DNAH2: variants seen among roughly 807,000 people sequenced by gnomAD.
DNAH2 encodes the protein dynein axonemal heavy chain 2.
A neutral mutation model predicts 523.5 loss-of-function variants in DNAH2; 323 were observed. That is an observed-to-expected ratio of 0.62 (90% CI 0.56 to 0.68). DNAH2 has a LOEUF of 0.68. DNAH2 is among the 30% of genes least tolerant of loss of function. The pLI is 0.00. For synonymous variants in DNAH2, 2,093 were observed against 2,177.4 expected (o/e 0.96, Z 1.08); for missense variants, 4,907 against 5,701.5 (o/e 0.86, Z 4.49).
At chr17:7,806,302 A>G (rs1444230299) in intron 61 of DNAH2, among the ~76,000 whole-genome samples, 1 of 152,206 alleles carries the variant, frequency 6.6e-6, no homozygotes, top group East Asian at 1.9e-4. Context: ...TTGATTTACC[A>G]TATTTTCAAT....
chr17:7,764,782 C>CTTTTTTTTTTTTTTT (rs59188289), intron 20 of DNAH2, among the ~76,000 whole-genome samples: 2 of 49,504 alleles, frequency 4.0e-5, no homozygotes, highest in Non-Finnish European at 7.0e-5. Flanking sequence ...ACTGTATTTA[C>CTTTTTTTTTTTTTTT]TTTTTTTTTT....
chr17:7,768,051 A>G lies in DNAH2; in HGVS notation c.3827A>G (p.Lys1276Arg), dbSNP rs374506577. Reference protein sequence around the residue: ...GLFRRLTKLAKEYKDRNWEII... With the variant: ...GLFRRLTKLAREYKDRNWEII... Reference sequence around the variant, plus strand: ...TTTCGTCGCCTCACAAAATTAGCCAAAGAGTATAAGGTGGGGAGAAACGGC... The same window carrying G: ...TTTCGTCGCCTCACAAAATTAGCCAGAGAGTATAAGGTGGGGAGAAACGGC... The change falls in exon 23 of 86, where the codon AAA (lysine) becomes AGA (arginine). Residue 1276 changes from lysine to arginine, a missense_variant. Physicochemically the swap from Lys to Arg is conservative, Grantham distance 26. This residue lies in a region of DNAH2 where 2,806 missense variants were observed against 3,190.8 expected (regional missense o/e 0.88). Coordinates refer to ENST00000572933, the MANE Select transcript of DNAH2 (RefSeq NM_020877.5). 1.7e-5 allele frequency: 28 copies of G among 1,613,978 alleles called. No homozygotes were observed. The highest frequency in any genetic ancestry group is 2.2e-5 in the Non-Finnish European group (26 of 1,180,026).
chr17:7,764,782 CTT>C (rs59188289), intron 20 of DNAH2, among the ~76,000 whole-genome samples: 138 of 49,484 alleles, frequency 2.8e-3, no homozygotes, highest in African/African-American at 0.011. Flanking sequence ...ACTGTATTTA[CTT>C]TTTTTTTTTT....
In DNAH2 at chr17:7,821,226, C is replaced by A; in HGVS notation, c.11016-17C>A. The A allele has an allele frequency of 6.2e-7, 1 of 1,610,818 alleles. No homozygotes were observed. Among genetic ancestry groups the A allele is most frequent in the South Asian group, 1.1e-5 (1 of 90,664 alleles). ...ATTCCATGCTGCCCCTCCCTCTTCC[C>A]TGTCCCTTTCTCCCAGGTACACCTG... On this transcript the variant is annotated splice_polypyrimidine_tract_variant and intron_variant, in intron 72 of 85. Transcript: ENST00000572933. This position sits in a 1 kb window ranked among gnomAD's most constrained non-coding sequence, Gnocchi z 5.0.
intron 2 of DNAH2, among the ~76,000 whole-genome samples, chr17:7,721,004 C>CTTTTTTTTTTTTTTTTTTT (rs71159523): frequency 3.6e-5 from 4 of 109,722 alleles, no homozygotes; most frequent in South Asian, 3.0e-4. Flanking sequence ...TTCTTTCTTT[C>CTTTTTTTTTTTTTTTTTTT]TTTTTTTTTT....
rs570755584 is a variant in DNAH2 at position 7,743,469 on chromosome 17, C to G, written c.1904+327C>G. The G allele has an allele frequency of 1.5e-5, 10 of 652,886 alleles. No individual in the cohort carries two copies. In the East Asian group the frequency reaches 2.2e-4, roughly 14 times the overall value. The allele number at this position is 652,886 out of a possible 1,614,324, so 40.4% of individuals were successfully genotyped here. A position where few individuals can be genotyped will look rare whatever the true frequency, so the allele number is the denominator to read the frequency against. ...TCGCTTGAGCCCAGGAGTTTGAGAA[C>G]AGCCTGGGCAACATGGCAAAACCCA... On this transcript the variant is annotated intron_variant, in intron 12 of 85. Transcript: ENST00000572933.
Position 7,804,969 on chromosome 17 carries a change from C to T in DNAH2, c.9195C>T (p.Ala3065=), listed in dbSNP as rs1198668434. 2 of 1,613,990 alleles carry T rather than the reference C, an allele frequency of 1.2e-6. No homozygotes were observed. Among genetic ancestry groups the T allele is most frequent in the Non-Finnish European group, 1.7e-6 (2 of 1,179,994 alleles). ...EADEQQKAVT[A]NSEKIAVEEI... is the part of the protein sequence containing the mutation. Reference sequence around the variant, plus strand: ...TTTTTCATCCCTAGGCCGTAACAGCCAACAGTGAAAAGATTGCAGTTGAGG... The same window carrying T: ...TTTTTCATCCCTAGGCCGTAACAGCTAACAGTGAAAAGATTGCAGTTGAGG... Residue 3065 remains alanine (A), a synonymous_variant, in exon 60 of 86, where the codon GCC becomes GCT. Coordinates refer to ENST00000572933, the MANE Select transcript of DNAH2 (RefSeq NM_020877.5).
intron 11 of DNAH2, among the ~76,000 whole-genome samples, chr17:7,741,307 C>CTT (rs2075333659): frequency 1.3e-4 from 4 of 31,926 alleles, no homozygotes; most frequent in African/African-American, 2.3e-4. Context: ...CCTTCCTTCC[C>CTT]TCCCTCCCTC....
intron 44 of DNAH2, among the ~76,000 whole-genome samples, chr17:7,790,783 T>G (rs1471537442): frequency 2.6e-5 from 4 of 151,910 alleles, no homozygotes; most frequent in African/African-American, 9.7e-5. Context: ...CAGGGCTCAC[T>G]GCAGCCTCAA....
chr17:7,760,035 T>A lies in DNAH2; in HGVS notation c.2785+97T>A. On this transcript the variant is annotated intron_variant, in intron 17 of 85. Coordinates refer to ENST00000572933, the MANE Select transcript of DNAH2 (RefSeq NM_020877.5). The surrounding 1 kb of genome is among the most constrained non-coding windows in gnomAD (Gnocchi z 4.0). ...AGACCAGGGCTATTTCCAGGCATAC[T>A]GGGCCAGTCACCTCCCTGACCTGGG... The A allele has an allele frequency of 6.4e-7, 1 of 1,565,228 alleles. No homozygotes were observed. Among genetic ancestry groups the A allele is most frequent in the South Asian group, 1.2e-5 (1 of 86,416 alleles).
chr17:7,781,313 A>C (rs1442446959), intron 39 of DNAH2, 146 bp downstream of exon 39: 2 of 915,750 alleles, frequency 2.2e-6, no homozygotes, highest in East Asian at 2.6e-5. Context: ...TGTATCTACA[A>C]AAAGTACAAA....
At position 7,740,553 on chromosome 17, in the gene DNAH2, C is replaced by A; in HGVS notation, c.1506+4C>A. On this transcript the variant is annotated splice_donor_region_variant and intron_variant, in intron 10 of 85. Transcript: ENST00000572933. Reference sequence around the variant, plus strand: ...CCACAGGCTTGCCTCCCGCGAGGTGCGGCTGCCCCGCGGCTTCCTCGGCTT... The same window carrying A: ...CCACAGGCTTGCCTCCCGCGAGGTGAGGCTGCCCCGCGGCTTCCTCGGCTT... 1 of 1,612,570 alleles carries A rather than the reference C, an allele frequency of 6.2e-7. No individual in the cohort carries two copies. Among genetic ancestry groups the A allele is most frequent in the African/African-American group, 1.3e-5 (1 of 75,048 alleles).
intron 71 of DNAH2, 69 bp downstream of exon 71, chr17:7,819,132 G>A (rs766327269): frequency 3.6e-5 from 57 of 1,602,928 alleles, no homozygotes; most frequent in Non-Finnish European, 3.2e-5. Context: ...ATGACGGCTC[G>A]AGACCCCTCC....
chr17:7,749,208 C>T (rs1395150921), intron 12 of DNAH2, among the ~76,000 whole-genome samples: 2 of 146,090 alleles, frequency 1.4e-5, no homozygotes, highest in African/African-American at 5.1e-5. Context: ...CTCAGGAGGC[C>T]GAGGCAAGAG....
Position 7,779,365 on chromosome 17 carries a change from T to C in DNAH2, c.5664T>C (p.Phe1888=), listed in dbSNP as rs2076542990. Residue 1888 remains phenylalanine (F), a synonymous_variant, in exon 36 of 86, where the codon TTT becomes TTC. Coordinates refer to ENST00000572933, the MANE Select transcript of DNAH2 (RefSeq NM_020877.5). ...ALAAGLTHFH[F]DGFEINLVWS... is the part of the protein sequence containing the mutation. ...CTGCCGGCCTCACCCATTTCCATTT[T>C]GATGGCTTTGAAATAAATCTGGTGT... The C allele has an allele frequency of 6.2e-7, 1 of 1,614,110 alleles. No individual in the cohort carries two copies. Among genetic ancestry groups the C allele is most frequent in the East Asian group, 2.2e-5 (1 of 44,892 alleles).
intron 10 of DNAH2, 35 bp downstream of exon 10, chr17:7,740,584 C>A: frequency 6.2e-7 from 1 of 1,608,268 alleles, no homozygotes; most frequent in Non-Finnish European, 8.5e-7. Context: ...GGCTTCCCGT[C>A]CCGCGTGCTT....
Position 7,764,243 on chromosome 17 carries a change from T to TG in DNAH2, c.3307dup (p.Glu1103GlyfsTer33). ...CCATACACGAGCAATTTGCCATTCTTGAAAAGTACGAGGTGCCAGTCGAGG... is the reference window on the plus strand; with the variant it reads ...CCATACACGAGCAATTTGCCATTCTTGGAAAAGTACGAGGTGCCAGTCGAGG... On this transcript the variant is annotated frameshift_variant, in exon 20 of 86. Coordinates refer to ENST00000572933, the MANE Select transcript of DNAH2 (RefSeq NM_020877.5). LOFTEE classifies it high-confidence loss of function. The TG allele has an allele frequency of 6.2e-7, 1 of 1,612,888 alleles. No homozygotes were observed.
In DNAH2 at chr17:7,792,686, C is replaced by T. The variant is rs200317488; in HGVS notation, c.7175C>T (p.Thr2392Ile). The T allele has an allele frequency of 6.2e-7, 1 of 1,614,150 alleles. No individual in the cohort carries two copies. Among genetic ancestry groups the T allele is most frequent in the Non-Finnish European group, 8.5e-7 (1 of 1,180,016 alleles). Residue 2392 changes from threonine (T) to isoleucine (I), a missense_variant, in exon 47 of 86, where the codon ACC becomes ATC. Coordinates refer to ENST00000572933, the MANE Select transcript of DNAH2 (RefSeq NM_020877.5). ...CCCTTCTATAAGATCATGGTGCCCA[C>T]CGTCGACACTGTTCGCTACAACTAC... ...NAPFYKIMVP[T>I]VDTVRYNYLV...
At position 7,743,620 on chromosome 17, in the gene DNAH2, C is replaced by A. The variant is rs2065735089; in HGVS notation, c.1904+478C>A. On this transcript the variant is annotated intron_variant, in intron 12 of 85. Transcript: ENST00000572933. ...GGCAGAGGCTGCAGTGAGCTGAGAT[C>A]ACACCACTACACTCCAGCCTGGGCG... 3 of 461,692 alleles carry A rather than the reference C, an allele frequency of 6.5e-6. No individual in the cohort carries two copies. The South Asian group carries it at 7.8e-5, about 12-fold the overall frequency. 28.6% of individuals were successfully genotyped at this position (461,692 alleles called of 1,614,324 possible). A position where few individuals can be genotyped will look rare whatever the true frequency, so the allele number is the denominator to read the frequency against.
Sources: gnomAD v4.1 joint callset for allele counts (sites outside exome capture counted in the v4.1 genomes callset) on GRCh38, gnomAD v4.1.1 for gene constraint, gnomAD v4.1.1 regional missense constraint, Gnocchi (gnomAD v3.1) non-coding constraint, MANE v1.5 for transcripts, NCBI Gene and HGNC (gene_info 2026-07-23, HGNC 2026-07-21) for gene names.